The following GSDME variants were observed in gnomAD, a reference collection of about 807,000 sequenced individuals.
GSDME encodes the protein gasdermin E.
GSDME carries 44 observed loss-of-function variants against 47.5 expected under a neutral mutation model. The ratio of observed to expected loss-of-function variants is 0.93; its 90% CI spans 0.73 to 1.19. GSDME has a LOEUF of 1.19. Among genes scored for constraint, GSDME ranks in the 50% most tolerant of loss-of-function variants. The probability of loss-of-function intolerance (pLI) is 0.00; values close to 1 mark genes in which losing one functional copy is unlikely to be tolerated. For synonymous variants in GSDME, 258 were observed against 252.8 expected, an observed-to-expected ratio of 1.02 and a Z score of -0.20; for missense variants, 663 against 604.2, an observed-to-expected ratio of 1.10 and a Z score of -1.02.
At chr7:24,704,396 G>A (rs1297714494) in intron 8 of GSDME, 3 of 152,148 alleles carry the variant, frequency 2.0e-5, no homozygotes, top group Non-Finnish European at 2.9e-5. Flanking sequence ...GAGGACCTAC[G>A]AAGACCCCAT....
chr7:24,710,327 G>A lies in GSDME; in HGVS notation c.759C>T (p.Val253=), dbSNP rs768569823. The A allele has an allele frequency of 2.5e-6, 4 of 1,614,150 alleles. No individual in the cohort carries two copies. The highest frequency in any genetic ancestry group is 2.5e-6 in the Non-Finnish European group (3 of 1,180,056). ...GFENKKRIDS[V]YLDPLVFREF... is the part of the protein sequence containing the mutation. Reference sequence around the variant, plus strand: ...CTCGAAAGACCAGGGGGTCCAGGTAGACAGAGTCAATTCTCTTCTTGTTCT... The same window carrying A: ...CTCGAAAGACCAGGGGGTCCAGGTAAACAGAGTCAATTCTCTTCTTGTTCT... Residue 253 remains valine (V), a synonymous_variant, in exon 6 of 10, where the codon GTC becomes GTT. Coordinates refer to ENST00000645220, the MANE Select transcript of GSDME (RefSeq NM_001127453.2).
rs998345625 is a variant in GSDME at position 24,708,035 on chromosome 7, C to CG, written c.990+91dup. On this transcript the variant is annotated intron_variant, in intron 7 of 9. Transcript: ENST00000645220. ...AGACAGCTGTAGGGAGAAAAGGAGG[C>CG]GGGGGAACCTTTAACACAATTCCAT... The CG allele has an allele frequency of 3.3e-6, 5 of 1,509,788 alleles. No homozygotes were observed. The African/African-American group carries it at 5.5e-5, about 17-fold the overall frequency. 93.5% of individuals were successfully genotyped at this position (1,509,788 alleles called of 1,614,324 possible). A position where few individuals can be genotyped will look rare whatever the true frequency, so the allele number is the denominator to read the frequency against.
chr7:24,711,901 A>G (rs548898061), intron 5 of GSDME, among the ~76,000 whole-genome samples: 12 of 151,664 alleles, frequency 7.9e-5, no homozygotes, highest in Non-Finnish European at 1.0e-4. Flanking sequence ...AGGTGTAGAT[A>G]AAAATGTAAG....
chr7:24,758,292 G>A (rs1477824064), upstream of GSDME, among the ~76,000 whole-genome samples: 1 of 152,218 alleles, frequency 6.6e-6, no homozygotes. This position sits in a 1 kb window ranked among gnomAD's most constrained non-coding sequence, Gnocchi z 4.6. Flanking sequence ...GCATCACCTG[G>A]GACTGGTTAG....
upstream of GSDME, among the ~76,000 whole-genome samples, chr7:24,760,807 T>C (rs1791155155): frequency 6.6e-6 from 1 of 152,208 alleles, no homozygotes; most frequent in Non-Finnish European, 1.5e-5. This position sits in a 1 kb window ranked among gnomAD's most constrained non-coding sequence, Gnocchi z 4.2. Context: ...ATATTACTAA[T>C]TACTGCTTTA....
chr7:24,758,075 G>A (rs1231412132), upstream of GSDME: 1 of 152,324 alleles, frequency 6.6e-6, no homozygotes, highest in Non-Finnish European at 1.5e-5. The surrounding 1 kb of genome is among the most constrained non-coding windows in gnomAD (Gnocchi z 4.6). Flanking sequence ...TACTGAACGA[G>A]GGAATCTCAG....
At chr7:24,757,530 G>C (rs1791080617), upstream of GSDME, 1 of 151,716 alleles carries the variant, frequency 6.6e-6, no homozygotes, top group African/African-American at 2.4e-5. This position sits in a 1 kb window ranked among gnomAD's most constrained non-coding sequence, Gnocchi z 5.9. Context: ...ACCTTTGCTC[G>C]GTCCGGGCGC....
chr7:24,712,733 G>A lies in GSDME; in HGVS notation c.698-2345C>T, dbSNP rs924057605. The stretch of plus-strand genomic sequence containing the variant: ...CCTATCACAACAGACAGATTAACAA[G>A]AGAGGCCAGGCACGGTGGCTCACAC... On this transcript the variant is annotated intron_variant, in intron 5 of 9. Transcript: ENST00000645220. The surrounding 1 kb of genome is among the most constrained non-coding windows in gnomAD (Gnocchi z 4.4). Among the ~76,000 whole-genome samples the A allele has an allele frequency of 6.6e-6, 1 of 152,174 alleles. No homozygotes were observed. Among genetic ancestry groups the A allele is most frequent in the African/African-American group, 2.4e-5 (1 of 41,436 alleles).
chr7:24,755,268 T>A (rs1189986705), intron 1 of GSDME, among the ~76,000 whole-genome samples: 2 of 152,166 alleles, frequency 1.3e-5, no homozygotes, highest in Admixed American at 6.5e-5. Flanking sequence ...AGACAAAACA[T>A]GAACACGTTC....
chr7:24,744,853 G>A lies in GSDME; in HGVS notation c.212-99C>T. 1 of 1,335,630 alleles carries A rather than the reference G, an allele frequency of 7.5e-7. No homozygotes were observed. Among genetic ancestry groups the A allele is most frequent in the Non-Finnish European group, 1.0e-6 (1 of 953,160 alleles). The allele number at this position is 1,335,630 out of a possible 1,614,324, so 82.7% of individuals were successfully genotyped here. A position where few individuals can be genotyped will look rare whatever the true frequency, so the allele number is the denominator to read the frequency against. On this transcript the variant is annotated intron_variant, in intron 2 of 9. Coordinates refer to ENST00000645220, the MANE Select transcript of GSDME (RefSeq NM_001127453.2). This position sits in a 1 kb window ranked among gnomAD's most constrained non-coding sequence, Gnocchi z 4.5. The stretch of plus-strand genomic sequence containing the variant: ...CCAAGCCTGTGCAGAGCCCCGGAAA[G>A]CAGAAGGCTGGCACTCAGATGGAAA...
At chr7:24,699,411 C>G in intron 9 of GSDME, 152 bp from the exon 10 acceptor site, 1 of 677,380 alleles carries the variant, frequency 1.5e-6, no homozygotes, top group Non-Finnish European at 2.7e-6. Flanking sequence ...GGCGTGATCT[C>G]GGCTCACTGC....
intron 2 of GSDME, among the ~76,000 whole-genome samples, chr7:24,746,347 C>T (rs1265290758): frequency 6.6e-6 from 1 of 152,176 alleles, no homozygotes. Context: ...ATATTACTAA[C>T]CGGGAGAATT....
chr7:24,747,755 C>G (rs925236226), intron 2 of GSDME, among the ~76,000 whole-genome samples: 7 of 152,112 alleles, frequency 4.6e-5, no homozygotes, highest in Non-Finnish European at 8.8e-5. Flanking sequence ...TCAGCCTCAA[C>G]CCCCTGGGTT....
At chr7:24,780,187 C>T in the GSDME span, among the ~76,000 whole-genome samples, 1 of 152,230 alleles carries the variant, frequency 6.6e-6, no homozygotes, top group Non-Finnish European at 1.5e-5. The surrounding 1 kb of genome is among the most constrained non-coding windows in gnomAD (Gnocchi z 4.1). Context: ...GCAAAGTTCC[C>T]GCCTTGTGAA....
At position 24,698,723 on chromosome 7, in the gene GSDME, C is replaced by G. The variant is rs1002177709; in HGVS notation, c.*303G>C. 4.8e-6 allele frequency: 2 copies of G among 416,764 alleles called. No homozygotes were observed. The highest frequency in any genetic ancestry group is 9.0e-6 in the Non-Finnish European group (2 of 222,696). The allele number at this position is 416,764 out of a possible 1,614,324, so 25.8% of individuals were successfully genotyped here. A position where few individuals can be genotyped will look rare whatever the true frequency, so the allele number is the denominator to read the frequency against. ...AAGTGGAATGCAAGTGACAGATGGA[C>G]TTATTATTGTGCAGAAAAAACGTCT... On this transcript the variant is annotated 3_prime_UTR_variant, in exon 10 of 10. Coordinates refer to ENST00000645220, the MANE Select transcript of GSDME (RefSeq NM_001127453.2).
At chr7:24,789,509 G>A in the GSDME span, among the ~76,000 whole-genome samples, 11 of 152,288 alleles carry the variant, frequency 7.2e-5, no homozygotes, top group South Asian at 2.1e-4. Flanking sequence ...TGCATGCACC[G>A]GTAATCAGAA....
At chr7:24,720,921 A>T (rs1464437750) in intron 3 of GSDME, among the ~76,000 whole-genome samples, 1 of 152,092 alleles carries the variant, frequency 6.6e-6, no homozygotes, top group African/African-American at 2.4e-5. Flanking sequence ...AAAAAAAAAA[A>T]AGAAGTGAAG....
chr7:24,730,056 G>GA (rs1790095175), intron 3 of GSDME, among the ~76,000 whole-genome samples: 1 of 152,228 alleles, frequency 6.6e-6, no homozygotes, highest in East Asian at 1.9e-4. Flanking sequence ...AGCTATGTCT[G>GA]ATATTCAGAT....
intron 7 of GSDME, among the ~76,000 whole-genome samples, chr7:24,707,107 G>A (rs1789142605): frequency 6.6e-6 from 1 of 152,174 alleles, no homozygotes; most frequent in African/African-American, 2.4e-5. Context: ...CCTGGGCTGT[G>A]GGACTGTTTC....
Sources: gnomAD v4.1 joint callset for allele counts (sites outside exome capture counted in the v4.1 genomes callset) on GRCh38, gnomAD v4.1.1 for gene constraint, Gnocchi (gnomAD v3.1) non-coding constraint, MANE v1.5 for transcripts, NCBI Gene and HGNC (gene_info 2026-07-23, HGNC 2026-07-21) for gene names.